Variants in TNIK observed in about 807,000 individuals in gnomAD.
TNIK encodes TRAF2 and NCK interacting kinase.
TNIK carries 49 observed loss-of-function variants against 191.3 expected under a neutral mutation model. The ratio of observed to expected loss-of-function variants is 0.26; its 90% CI spans 0.20 to 0.32. The LOEUF is 0.32. TNIK is among the 10% of genes least tolerant of loss of function. The probability of loss-of-function intolerance (pLI) is 1.00; values close to 1 mark genes in which losing one functional copy is unlikely to be tolerated. For synonymous variants in TNIK, 594 were observed against 600.9 expected, an observed-to-expected ratio of 0.99 and a Z score of 0.17; for missense variants, 1,155 against 1,702.3, an observed-to-expected ratio of 0.68 and a Z score of 5.66.
intron 4 of TNIK, among the ~76,000 whole-genome samples, chr3:171,198,246 G>C (rs1190775253): frequency 7.0e-6 from 1 of 142,440 alleles, no homozygotes. Flanking sequence ...CTGGGTGACA[G>C]AGCCAGACTC....
chr3:171,448,486 T>C (rs974595939), intron 1 of TNIK, among the ~76,000 whole-genome samples: 4 of 152,204 alleles, frequency 2.6e-5, no homozygotes, highest in Non-Finnish European at 5.9e-5. Context: ...GGATATACTA[T>C]GCTACATTTT....
intron 2 of TNIK, among the ~76,000 whole-genome samples, chr3:171,278,130 G>A (rs752814149): frequency 2.0e-5 from 3 of 152,204 alleles, no homozygotes; most frequent in South Asian, 4.1e-4. Flanking sequence ...TCGAGACCTA[G>A]TGTCTAATGT....
chr3:171,425,818 ACT>A, intron 1 of TNIK, among the ~76,000 whole-genome samples: 1 of 106,922 alleles, frequency 9.4e-6, no homozygotes, highest in East Asian at 2.0e-4. Flanking sequence ...ACAGAGTGAG[ACT>A]CTGTCAAAAA....
At chr3:171,105,919 TGA>T (rs1284661501) in intron 21 of TNIK, among the ~76,000 whole-genome samples, 2 of 152,168 alleles carry the variant, frequency 1.3e-5, no homozygotes, top group South Asian at 2.1e-4. Context: ...CTCACTATTA[TGA>T]GAGAGAGGGG....
At chr3:171,208,554 T>G (rs1367274718) in intron 4 of TNIK, among the ~76,000 whole-genome samples, 1 of 118,854 alleles carries the variant, frequency 8.4e-6, no homozygotes, top group African/African-American at 3.4e-5. Context: ...TATTTTATTT[T>G]TGTGTGTATG....
At chr3:171,170,020 A>AT (rs1252199681) in intron 9 of TNIK, among the ~76,000 whole-genome samples, 1 of 152,218 alleles carries the variant, frequency 6.6e-6, no homozygotes, top group African/African-American at 2.4e-5. Context: ...TTACACACTT[A>AT]TTTAAGAGTG....
At chr3:171,447,268 C>T (rs1446526479) in intron 1 of TNIK, among the ~76,000 whole-genome samples, 1 of 150,198 alleles carries the variant, frequency 6.7e-6, no homozygotes, top group African/African-American at 2.5e-5. Context: ...TGTTAATCCC[C>T]AAATAGCTAC....
rs375379125 is a variant in TNIK, at chr3:171,455,878, A to G, written c.57+4129T>C. Among the ~76,000 whole-genome samples the G allele has an allele frequency of 5.2e-4, 79 of 152,340 alleles. 1 individual carries two copies. Among genetic ancestry groups the G allele is most frequent in the African/African-American group, 1.8e-3 (76 of 41,576 alleles). On this transcript the variant is annotated intron_variant, in intron 1 of 32. Transcript: ENST00000436636. ...ACTAATGGAGACTATGGCTCCAAAG[A>G]TGAACAAGATCTAGCCTCTGCCCTC...
intron 2 of TNIK, 52 bp downstream of exon 2, chr3:171,369,568 C>A: frequency 1.4e-6 from 2 of 1,472,788 alleles, no homozygotes; most frequent in South Asian, 2.5e-5. Context: ...TGCAATTTGT[C>A]ATTCATGAAC....
intron 1 of TNIK, among the ~76,000 whole-genome samples, chr3:171,385,120 G>A (rs1311524604): frequency 6.6e-6 from 1 of 152,150 alleles, no homozygotes; most frequent in African/African-American, 2.4e-5. Context: ...GGTACATTAA[G>A]GCCACTGGTT....
At chr3:171,280,651 TAAAA>T (rs5854412) in intron 2 of TNIK, among the ~76,000 whole-genome samples, 1 of 144,116 alleles carries the variant, frequency 6.9e-6, no homozygotes, top group Non-Finnish European at 1.5e-5. Flanking sequence ...GTCTCTAAAT[TAAAA>T]AAAAAAAAAA....
chr3:171,152,679 C>T (rs1158426776), intron 12 of TNIK, among the ~76,000 whole-genome samples: 2 of 152,160 alleles, frequency 1.3e-5, no homozygotes, highest in Non-Finnish European at 2.9e-5. Flanking sequence ...TCTACTGACT[C>T]CCTGGGCAGG....
chr3:171,125,353 G>T (rs188568233), intron 17 of TNIK, among the ~76,000 whole-genome samples: 11 of 152,232 alleles, frequency 7.2e-5, no homozygotes, highest in Admixed American at 3.3e-4. Flanking sequence ...TGGAATGGCT[G>T]GTCATTTTAC....
intron 1 of TNIK, among the ~76,000 whole-genome samples, chr3:171,411,930 G>T (rs1057158130): frequency 2.6e-5 from 4 of 152,156 alleles, no homozygotes; most frequent in Non-Finnish European, 5.9e-5. Flanking sequence ...ACCAAGCCCT[G>T]TAGGAACTGG....
chr3:171,077,613 T>C (rs1294274369), intron 28 of TNIK, among the ~76,000 whole-genome samples: 1 of 152,090 alleles, frequency 6.6e-6, no homozygotes, highest in Admixed American at 6.6e-5. Context: ...CCAGTGCTCA[T>C]AGTGGAACAA....
At chr3:171,373,179 C>T (rs1716757820) in intron 1 of TNIK, among the ~76,000 whole-genome samples, 1 of 152,062 alleles carries the variant, frequency 6.6e-6, no homozygotes, top group Non-Finnish European at 1.5e-5. Context: ...AAGTAATTTC[C>T]CCAAAAGGTC....
intron 2 of TNIK, among the ~76,000 whole-genome samples, chr3:171,282,732 T>C (rs1750608983): frequency 6.6e-6 from 1 of 152,194 alleles, no homozygotes; most frequent in Non-Finnish European, 1.5e-5. Context: ...CTGAACTCAT[T>C]TCTGAAGCTC....
intron 1 of TNIK, 93 bp downstream of exon 1, chr3:171,459,914 C>A: frequency 1.9e-6 from 2 of 1,054,244 alleles, no homozygotes; most frequent in Non-Finnish European, 1.4e-6. Context: ...CCGCTGCTGT[C>A]CCCCTGCCCC....
intron 2 of TNIK, among the ~76,000 whole-genome samples, chr3:171,344,576 A>G (rs977556107): frequency 6.6e-6 from 1 of 152,128 alleles, no homozygotes; most frequent in African/African-American, 2.4e-5. Context: ...AGGTGACCGG[A>G]CCTTCCTATT....
Sources: gnomAD v4.1 joint callset for allele counts (sites outside exome capture counted in the v4.1 genomes callset) on GRCh38, gnomAD v4.1.1 for gene constraint, MANE v1.5 for transcripts, NCBI Gene and HGNC (gene_info 2026-07-23, HGNC 2026-07-21) for gene names.